TM4SF19: variants seen among roughly 807,000 people sequenced by gnomAD.
The protein encoded by TM4SF19 is transmembrane 4 L six family member 19.
Under a neutral mutation model 21.8 loss-of-function variants are expected in TM4SF19, and 17 were observed. That is an observed-to-expected ratio of 0.78 (90% CI 0.53 to 1.17). The LOEUF is 1.17. Ranked by LOEUF, TM4SF19 falls within the 50% of genes most tolerant of loss-of-function variation. The pLI is 0.00. For synonymous variants in TM4SF19, 107 were observed against 106.7 expected, an observed-to-expected ratio of 1.00 and a Z score of -0.02; for missense variants, 216 against 252.1, an observed-to-expected ratio of 0.86 and a Z score of 0.97.
intron 1 of TM4SF19, among the ~76,000 whole-genome samples, chr3:196,331,891 T>C (rs555192836): frequency 2.0e-5 from 3 of 152,236 alleles, no homozygotes; most frequent in Admixed American, 6.5e-5. Context: ...CCTAAAGTGC[T>C]AGGATGACAG....
Position 196,327,012 on chromosome 3 carries a change from G to A in TM4SF19, c.222C>T (p.Leu74=). The A allele has an allele frequency of 6.2e-7, 1 of 1,611,052 alleles. No homozygotes were observed. The highest frequency in any genetic ancestry group is 1.7e-5 in the Admixed American group (1 of 59,968). Residue 74 remains leucine (L), a synonymous_variant, in exon 3 of 5, where the codon CTC becomes CTT. Coordinates refer to ENST00000273695, the MANE Select transcript of TM4SF19 (RefSeq NM_138461.4). ...CGTATCTCCAGCCCATCAAGGAGAT[G>A]AGGATAGCTGCAGTGAGTACCTGCA... is the stretch of plus-strand genomic sequence containing the variant. ...GGLMVLTAAI[L]ISLMGWRYGC... is the part of the protein sequence containing the mutation.
intron 1 of TM4SF19, among the ~76,000 whole-genome samples, chr3:196,333,854 G>C (rs1260716504): frequency 2.0e-5 from 3 of 152,190 alleles, no homozygotes; most frequent in Non-Finnish European, 2.9e-5. Context: ...TTGAGGTCAG[G>C]AGTTCAAGAC....
At chr3:196,334,724 A>G (rs1465216446) in intron 1 of TM4SF19, among the ~76,000 whole-genome samples, 3 of 151,748 alleles carry the variant, frequency 2.0e-5, no homozygotes, top group African/African-American at 7.3e-5. Context: ...AAAGTGCTGG[A>G]ATTACAGGTG....
intron 3 of TM4SF19, among the ~76,000 whole-genome samples, chr3:196,326,154 T>G (rs1224465477): frequency 6.6e-6 from 1 of 152,144 alleles, no homozygotes; most frequent in Non-Finnish European, 1.5e-5. Context: ...TTTGTATTTT[T>G]GGTAGAGACG....
intron 1 of TM4SF19, among the ~76,000 whole-genome samples, chr3:196,336,191 T>G (rs1394522560): frequency 6.6e-6 from 1 of 151,890 alleles, no homozygotes; most frequent in Non-Finnish European, 1.5e-5. Context: ...CAGGCTGGAG[T>G]GCAATGGCGC....
Position 196,323,928 on chromosome 3 carries a change from G to C in TM4SF19, c.519C>G (p.His173Gln), listed in dbSNP as rs770343523. 2 of 1,614,094 alleles carry C rather than the reference G, an allele frequency of 1.2e-6. No homozygotes were observed. The highest frequency in any genetic ancestry group is 1.3e-5 in the African/African-American group (1 of 75,024). The change falls in exon 5 of 5, where the codon CAC (histidine) becomes CAG (glutamine). Residue 173 changes from histidine to glutamine, a missense_variant. Transcript: ENST00000273695. ...CLEPSAAVVW[H>Q]VSLFSALLCI... ...ACAGAAGGGCGGAGAAGAGGGACACGTGCCAGACAACAGCTGCAGAGGGCT... is the reference window on the plus strand; with the variant it reads ...ACAGAAGGGCGGAGAAGAGGGACACCTGCCAGACAACAGCTGCAGAGGGCT...
At chr3:196,337,880 A>C (rs1727837407) in intron 1 of TM4SF19, among the ~76,000 whole-genome samples, 3 of 151,958 alleles carry the variant, frequency 2.0e-5, no homozygotes, top group African/African-American at 7.3e-5. Flanking sequence ...CTCTCCCCCG[A>C]GAAGGCAAGG....
Position 196,323,570 on chromosome 3 carries a change from A to T in TM4SF19, c.*247T>A. ...ACCCTGGCTGGAGGATATTTTATGG[A>T]CTATAAATTCCTAAACAATTATAAT... is the stretch of plus-strand genomic sequence containing the variant. On this transcript the variant is annotated 3_prime_UTR_variant, in exon 5 of 5. Coordinates refer to ENST00000273695, the MANE Select transcript of TM4SF19 (RefSeq NM_138461.4). The T allele has an allele frequency of 1.3e-6, 1 of 756,520 alleles. No homozygotes were observed. The highest frequency in any genetic ancestry group is 1.8e-5 in the African/African-American group (1 of 56,842). The allele number at this position is 756,520 out of a possible 1,614,324, so 46.9% of individuals were successfully genotyped here.
intron 1 of TM4SF19, among the ~76,000 whole-genome samples, chr3:196,337,217 C>T (rs1459866805): frequency 6.6e-6 from 1 of 151,944 alleles, no homozygotes; most frequent in South Asian, 2.1e-4. Flanking sequence ...ATGCACCACG[C>T]CCGGCTAATT....
In TM4SF19 at chr3:196,323,891, G is replaced by A. The variant is rs377280219; in HGVS notation, c.556C>T (p.Leu186Phe). The change falls in exon 5 of 5, where the codon CTC (leucine) becomes TTC (phenylalanine). Residue 186 changes from leucine to phenylalanine, a missense_variant. Leu to Phe is a conservative substitution (Grantham distance 22). Coordinates refer to ENST00000273695, the MANE Select transcript of TM4SF19 (RefSeq NM_138461.4). ...LFSALLCISLLQLLLVVVHVI... is the reference protein window; with the variant it reads ...LFSALLCISLFQLLLVVVHVI... ...TGAACGACCACCAGGAGAAGCTGGA[G>A]CAGGCTGATGCACAGAAGGGCGGAG... is the stretch of plus-strand genomic sequence containing the variant. 3.2e-4 allele frequency: 519 copies of A among 1,614,074 alleles called. No individual in the cohort carries two copies. The highest frequency in any genetic ancestry group is 4.3e-4 in the Non-Finnish European group (510 of 1,180,052).
intron 1 of TM4SF19, among the ~76,000 whole-genome samples, chr3:196,335,797 G>T (rs1057147444): frequency 6.6e-6 from 1 of 152,030 alleles, no homozygotes; most frequent in Non-Finnish European, 1.5e-5. Flanking sequence ...CCTCCGAGAC[G>T]GTCCCATCGT....
chr3:196,336,918 G>A (rs1727782180), intron 1 of TM4SF19, among the ~76,000 whole-genome samples: 1 of 152,136 alleles, frequency 6.6e-6, no homozygotes, highest in Non-Finnish European at 1.5e-5. Flanking sequence ...TCTTCCTTCA[G>A]TCGGATATTT....
intron 1 of TM4SF19, among the ~76,000 whole-genome samples, chr3:196,334,060 C>CAA (rs562716987): frequency 5.0e-5 from 7 of 139,300 alleles, no homozygotes; most frequent in Admixed American, 1.4e-4. Flanking sequence ...GACTCCGTCT[C>CAA]AAAAAAAAAA....
intron 1 of TM4SF19, among the ~76,000 whole-genome samples, chr3:196,336,885 A>C (rs1336708530): frequency 3.9e-5 from 6 of 152,016 alleles, no homozygotes; most frequent in African/African-American, 1.4e-4. Flanking sequence ...CTCCCTCGCC[A>C]CCCAGCAAGG....
Position 196,323,581 on chromosome 3 carries a change from C to G in TM4SF19, c.*236G>C, listed in dbSNP as rs1727152540. The G allele has an allele frequency of 1.2e-6, 1 of 810,490 alleles. No homozygotes were observed. The highest frequency in any genetic ancestry group is 1.7e-5 in the African/African-American group (1 of 57,778). 50.2% of individuals were successfully genotyped at this position (810,490 alleles called of 1,614,324 possible). A position where few individuals can be genotyped will look rare whatever the true frequency, so the allele number is the denominator to read the frequency against. ...AGGATATTTTATGGACTATAAATTCCTAAACAATTATAATAACTTAGTTAT... is the reference window on the plus strand; with the variant it reads ...AGGATATTTTATGGACTATAAATTCGTAAACAATTATAATAACTTAGTTAT... On this transcript the variant is annotated 3_prime_UTR_variant, in exon 5 of 5. Transcript: ENST00000273695.
At position 196,327,038 on chromosome 3, in the gene TM4SF19, GGAGA is replaced by G. The variant is rs2108806616; in HGVS notation, c.202-10_202-7del. On this transcript the variant is annotated splice_polypyrimidine_tract_variant and splice_region_variant and intron_variant, in intron 2 of 4. Coordinates refer to ENST00000273695, the MANE Select transcript of TM4SF19 (RefSeq NM_138461.4). ...AGGATAGCTGCAGTGAGTACCTGCA[GGAGA>G]GAGAAGAATGTTGAGATGGGGAAAT... 6.2e-7 allele frequency: 1 copy of G among 1,600,050 alleles called. No individual in the cohort carries two copies. Among genetic ancestry groups the G allele is most frequent in the East Asian group, 2.3e-5 (1 of 44,422 alleles).
rs565627000 is a variant in TM4SF19, at chr3:196,331,643, C to T, written c.-1-4052G>A. Among the ~76,000 whole-genome samples, 12 of 151,794 alleles carry T rather than the reference C, an allele frequency of 7.9e-5. No individual in the cohort carries two copies. The East Asian group carries it at 1.6e-3, about 20-fold the overall frequency. ...TCTCTACTAAAAATACAAAACTAGCCGGGCGTGGTGGCGCATGCCTGTAAT... is the reference window on the plus strand; with the variant it reads ...TCTCTACTAAAAATACAAAACTAGCTGGGCGTGGTGGCGCATGCCTGTAAT... On this transcript the variant is annotated intron_variant, in intron 1 of 4. Coordinates refer to ENST00000273695, the MANE Select transcript of TM4SF19 (RefSeq NM_138461.4).
rs1560203446 is a variant in TM4SF19, at chr3:196,329,738, T to C, written c.-1-2147A>G. Among the ~76,000 whole-genome samples, 2 of 125,526 alleles carry C rather than the reference T, an allele frequency of 1.6e-5. 1 individual carries two copies. Among genetic ancestry groups the C allele is most frequent in the Non-Finnish European group, 3.5e-5 (2 of 57,210 alleles). 82.3% of individuals were successfully genotyped at this position (125,526 alleles called of 152,430 possible). A position where few individuals can be genotyped will look rare whatever the true frequency, so the allele number is the denominator to read the frequency against. On this transcript the variant is annotated intron_variant, in intron 1 of 4. Coordinates refer to ENST00000273695, the MANE Select transcript of TM4SF19 (RefSeq NM_138461.4). ...GACAAATATTGTATGATTCCACTTA[T>C]ATGAAATATTCAAAATAACAACTTT...
intron 1 of TM4SF19, among the ~76,000 whole-genome samples, chr3:196,338,014 C>T (rs1456297598): frequency 6.6e-6 from 1 of 152,128 alleles, no homozygotes; most frequent in Admixed American, 6.5e-5. Context: ...AGAAGCAAAA[C>T]GAAGCTTCCC....
Sources: allele counts gnomAD v4.1 joint callset (sites outside exome capture counted in the v4.1 genomes callset), GRCh38; gene constraint gnomAD v4.1.1; transcripts MANE v1.5; gene names NCBI Gene and HGNC (gene_info 2026-07-23, HGNC 2026-07-21).